The following CES1 variants were observed in gnomAD, a reference collection of about 807,000 sequenced individuals.
CES1 encodes the protein carboxylesterase 1, also known as liver carboxylesterase 1.
Under a neutral mutation model 53.0 loss-of-function variants are expected in CES1, and 50 were observed. The observed-to-expected ratio is 0.94, with a 90% CI of 0.75 to 1.19. The LOEUF (loss-of-function observed/expected upper bound fraction) is 1.19, where lower values mean the gene tolerates loss of function less well. Among genes scored for constraint, CES1 ranks in the 50% most tolerant of loss-of-function variants. The pLI, the probability that CES1 is intolerant of heterozygous loss-of-function variation, is 0.00. For missense variants in CES1, 534 were observed against 538.0 expected (o/e 0.99, Z 0.07); for synonymous variants, 202 against 210.1 (o/e 0.96, Z 0.33).
intron 7 of CES1, among the ~76,000 whole-genome samples, chr16:55,817,668 A>G (rs1387738399): frequency 1.3e-5 from 2 of 150,714 alleles, no homozygotes; most frequent in East Asian, 3.9e-4. Flanking sequence ...GTGTGTGTGT[A>G]TGAGTGTGTC....
At chr16:55,829,465 C>T (rs1332427499) in intron 1 of CES1, among the ~76,000 whole-genome samples, 3 of 152,258 alleles carry the variant, frequency 2.0e-5, no homozygotes, top group African/African-American at 7.2e-5. Flanking sequence ...GAAGAGGGGG[C>T]AAGGCCTTCT....
At chr16:55,818,236 C>T (rs1200469529) in intron 7 of CES1, among the ~76,000 whole-genome samples, 5 of 152,216 alleles carry the variant, frequency 3.3e-5, no homozygotes, top group African/African-American at 1.2e-4. Context: ...TGTTTGTCCT[C>T]CTGGTCTTCC....
intron 4 of CES1, 50 bp from the exon 5 acceptor site, chr16:55,821,571 G>A: frequency 6.2e-7 from 1 of 1,601,454 alleles, no homozygotes; most frequent in Non-Finnish European, 8.6e-7. Context: ...TGTCATGCAG[G>A]ACCTTCAGGA....
At chr16:55,823,138 G>C (rs1239008996) in intron 4 of CES1, among the ~76,000 whole-genome samples, 1 of 151,778 alleles carries the variant, frequency 6.6e-6, no homozygotes, top group Non-Finnish European at 1.5e-5. Flanking sequence ...AGCTCCCTCT[G>C]TGACTCTGCC....
At chr16:55,828,458 C>T (rs1157102575) in intron 2 of CES1, among the ~76,000 whole-genome samples, 13 of 152,204 alleles carry the variant, frequency 8.5e-5, no homozygotes, top group African/African-American at 1.2e-4. Context: ...ACATAATCCA[C>T]GGAGTAATTT....
At chr16:55,809,490 T>C (rs2031591507) in intron 11 of CES1, among the ~76,000 whole-genome samples, 1 of 152,234 alleles carries the variant, frequency 6.6e-6, no homozygotes, top group Non-Finnish European at 1.5e-5. Context: ...AGGAATCCTG[T>C]GAATCTCCTC....
At chr16:55,824,933 T>C (rs2032358170) in intron 3 of CES1, among the ~76,000 whole-genome samples, 2 of 152,188 alleles carry the variant, frequency 1.3e-5, no homozygotes, top group South Asian at 2.1e-4. Context: ...CCAGAGCCCT[T>C]GTTTCTCCCA....
intron 4 of CES1, 126 bp from the exon 5 acceptor site, chr16:55,821,647 G>C: frequency 9.8e-7 from 1 of 1,022,750 alleles, no homozygotes; most frequent in Non-Finnish European, 1.5e-6. Context: ...GCATCTCTGA[G>C]ACCCTGCTTT....
Position 55,814,893 on chromosome 16 carries a change from A to G in CES1, c.946-1850T>C, listed in dbSNP as rs574917457. Among the ~76,000 whole-genome samples the G allele has an allele frequency of 6.6e-5, 10 of 152,328 alleles. No homozygotes were observed. In the South Asian group the frequency reaches 1.9e-3, roughly 28 times the overall value. ...AATATGGCTGACAATGAAGAACAGG[A>G]TTGGGGTGCAAGTCCAGCCTCCTTA... On this transcript the variant is annotated intron_variant, in intron 8 of 13. Coordinates refer to ENST00000360526, the MANE Select transcript of CES1 (RefSeq NM_001025195.2).
In CES1 at chr16:55,822,828, G is replaced by A. The variant is rs879466029; in HGVS notation, c.539+722C>T. On this transcript the variant is annotated intron_variant, in intron 4 of 13. Transcript: ENST00000360526. Reference sequence around the variant, plus strand: ...GAAGTCCTGAGAGGTTGGGTGGAGAGCAGGGGGAGGTCATTGATGACCGCA... The same window carrying A: ...GAAGTCCTGAGAGGTTGGGTGGAGAACAGGGGGAGGTCATTGATGACCGCA... Among the ~76,000 whole-genome samples the A allele has an allele frequency of 5.9e-5, 9 of 152,226 alleles. No homozygotes were observed. The East Asian group carries it at 1.2e-3, about 20-fold the overall frequency.
chr16:55,816,770 T>C (rs1417677595), intron 8 of CES1, among the ~76,000 whole-genome samples, 154 bp downstream of exon 8: 3 of 152,172 alleles, frequency 2.0e-5, no homozygotes, highest in Non-Finnish European at 2.9e-5. Context: ...CTGGCTGTGT[T>C]ACCCAGGTGA....
intron 3 of CES1, among the ~76,000 whole-genome samples, chr16:55,825,814 C>A (rs2032392946): frequency 6.6e-6 from 1 of 152,202 alleles, no homozygotes; most frequent in South Asian, 2.1e-4. Context: ...TTCTTTCCAC[C>A]ACTAACATTG....
chr16:55,812,751 GAGA>G (rs2031754365), intron 9 of CES1, 149 bp downstream of exon 9: 2 of 1,127,716 alleles, frequency 1.8e-6, no homozygotes, highest in Middle Eastern at 2.8e-4. Flanking sequence ...TGCCCTCCTG[GAGA>G]AGATTTCCGT....
chr16:55,827,366 A>G (rs376440814), intron 2 of CES1, among the ~76,000 whole-genome samples: 1 of 151,678 alleles, frequency 6.6e-6, no homozygotes, highest in East Asian at 1.9e-4. Flanking sequence ...AATGCAAATT[A>G]AAGAGGAAAA....
intron 11 of CES1, among the ~76,000 whole-genome samples, chr16:55,808,373 T>C (rs1386776678): frequency 1.3e-5 from 2 of 152,074 alleles, no homozygotes; most frequent in African/African-American, 4.8e-5. Flanking sequence ...CAATTAGACA[T>C]AATAAGAGAA....
At chr16:55,830,019 G>A (rs2032576464) in intron 1 of CES1, among the ~76,000 whole-genome samples, 1 of 152,192 alleles carries the variant, frequency 6.6e-6, no homozygotes, top group African/African-American at 2.4e-5. Context: ...CAGTTTCTCT[G>A]AGCTTCCCTC....
chr16:55,831,190 C>T (rs76602801), intron 1 of CES1, among the ~76,000 whole-genome samples: 2,297 of 152,210 alleles, frequency 0.015, 73 homozygotes, highest in African/African-American at 0.052. Flanking sequence ...GGGACCACTA[C>T]GGCCAAGACC....
At position 55,810,625 on chromosome 16, in the gene CES1, A is replaced by G. The variant is rs755704296; in HGVS notation, c.1210T>C (p.Tyr404His). The G allele has an allele frequency of 8.1e-6, 13 of 1,613,988 alleles. No homozygotes were observed. The Admixed American group carries it at 8.3e-5, about 10-fold the overall frequency. Residue 404 changes from tyrosine (Y) to histidine (H), a missense_variant, in exon 11 of 14, where the codon TAC (tyrosine) becomes CAC (histidine). This residue lies in a region of CES1 where 269 missense variants were observed against 206.6 expected (regional missense o/e 1.30). Transcript: ENST00000360526. The part of the protein sequence containing the change: ...KELIPEATEK[Y>H]LGGTDDTVKK... ...ACAGTGTCGTCTGTTCCTCCTAAGT[A>G]TTTCTCAGTGGCTTCTGGAATCAGT...
chr16:55,833,061 A>G lies in CES1; in HGVS notation c.-6T>C, dbSNP rs777642435. 1 of 1,560,480 alleles carries G rather than the reference A, an allele frequency of 6.4e-7. No individual in the cohort carries two copies. Among genetic ancestry groups the G allele is most frequent in the Middle Eastern group, 1.8e-4 (1 of 5,708 alleles). On this transcript the variant is annotated 5_prime_UTR_variant, in exon 1 of 14. Coordinates refer to ENST00000360526, the MANE Select transcript of CES1 (RefSeq NM_001025195.2). Reference sequence around the variant, plus strand: ...ATAAAGGCACGGAGCCACATCGTGGAAGGGCGACAGTTCTCGGGGCCTGCG... The same window carrying G: ...ATAAAGGCACGGAGCCACATCGTGGGAGGGCGACAGTTCTCGGGGCCTGCG...
Sources: allele counts gnomAD v4.1 joint callset (sites outside exome capture counted in the v4.1 genomes callset), GRCh38; gene constraint gnomAD v4.1.1; regional missense constraint gnomAD v4.1.1; transcripts MANE v1.5; gene names NCBI Gene and HGNC (gene_info 2026-07-23, HGNC 2026-07-21).